The following STK31 variants were observed in gnomAD, a reference collection of about 807,000 sequenced individuals.
The protein encoded by STK31 is serine/threonine kinase 31, also known as serine/threonine-protein kinase 31.
Under a neutral mutation model 129.7 loss-of-function variants are expected in STK31, and 89 were observed. The observed-to-expected ratio is 0.69, with a 90% CI of 0.58 to 0.82. The LOEUF (loss-of-function observed/expected upper bound fraction) is 0.82. STK31 is among the 40% of genes least tolerant of loss of function. The pLI is 0.00. For missense variants in STK31, 1,187 were observed against 1,176.4 expected (o/e 1.01, Z -0.13); for synonymous variants, 448 against 395.3 (o/e 1.13, Z -1.58).
intron 22 of STK31, among the ~76,000 whole-genome samples, chr7:23,797,202 TCAA>T (rs34252612): frequency 0.11 from 16,890 of 152,090 alleles, 1,140 homozygotes; most frequent in Non-Finnish European, 0.15. Flanking sequence ...ATTAGACAGA[TCAA>T]CGAGACAGAA....
intron 1 of STK31, among the ~76,000 whole-genome samples, chr7:23,711,099 TGAGA>T (rs1222223701): frequency 6.6e-6 from 1 of 152,186 alleles, no homozygotes; most frequent in Non-Finnish European, 1.5e-5. Context: ...CTTTTCATAA[TGAGA>T]GAGCATTTGA....
intron 22 of STK31, among the ~76,000 whole-genome samples, chr7:23,814,714 AATTT>A (rs893745096): frequency 6.6e-4 from 101 of 152,112 alleles, no homozygotes; most frequent in African/African-American, 2.1e-3. Flanking sequence ...AAATTTAATT[AATTT>A]ATTTTTTGCA....
At chr7:23,727,032 T>C (rs1430449186) in intron 4 of STK31, among the ~76,000 whole-genome samples, 3 of 152,206 alleles carry the variant, frequency 2.0e-5, no homozygotes, top group Non-Finnish European at 4.4e-5. Context: ...AGTCAGAAGT[T>C]TGAATCTTGG....
intron 5 of STK31, chr7:23,727,604 C>A (rs1787167031): frequency 3.5e-6 from 1 of 285,606 alleles, no homozygotes; most frequent in African/African-American, 2.7e-5. Context: ...TCTGTGTCGC[C>A]CAGGCTGGAG....
intron 22 of STK31, among the ~76,000 whole-genome samples, chr7:23,796,998 A>T (rs1292377458): frequency 6.6e-6 from 1 of 152,204 alleles, no homozygotes; most frequent in Non-Finnish European, 1.5e-5. Flanking sequence ...TAACCAACAA[A>T]GATCAAGAAA....
chr7:23,830,592 T>TTTGTGTGTGTG (rs375886156), intron 23 of STK31, among the ~76,000 whole-genome samples: 1 of 142,140 alleles, frequency 7.0e-6, no homozygotes, highest in African/African-American at 2.7e-5. Flanking sequence ...AATTTCCATG[T>TTTGTGTGTGTG]TGTGTGTGTG....
rs1787666194 is a variant in STK31 at position 23,735,529 on chromosome 7, C to A, written c.484-9C>A. 1 of 1,565,064 alleles carries A rather than the reference C, an allele frequency of 6.4e-7. No individual in the cohort carries two copies. Among genetic ancestry groups the A allele is most frequent in the African/African-American group, 1.4e-5 (1 of 72,744 alleles). On this transcript the variant is annotated splice_polypyrimidine_tract_variant and intron_variant, in intron 6 of 23. Coordinates refer to ENST00000355870, the MANE Select transcript of STK31 (RefSeq NM_031414.5). Reference sequence around the variant, plus strand: ...TGGTGTAGCTGGTTTATGTTTTCTTCTTTCTTAGGGCACAACCTTTTTGGG... The same window carrying A: ...TGGTGTAGCTGGTTTATGTTTTCTTATTTCTTAGGGCACAACCTTTTTGGG...
At chr7:23,726,640 T>C (rs972508444) in intron 4 of STK31, among the ~76,000 whole-genome samples, 11 of 149,334 alleles carry the variant, frequency 7.4e-5, no homozygotes, top group Non-Finnish European at 1.2e-4. Context: ...GAAAAGAAAA[T>C]GATTGAAAGT....
intron 3 of STK31, among the ~76,000 whole-genome samples, chr7:23,716,797 C>CT (rs34047442): frequency 0.23 from 28,575 of 123,260 alleles, 4,017 homozygotes; most frequent in East Asian, 0.4. Flanking sequence ...TTTTTGAGCA[C>CT]TTTTTTTTTT....
chr7:23,811,809 A>C (rs1311862032), intron 22 of STK31: 1 of 152,290 alleles, frequency 6.6e-6, no homozygotes, highest in Non-Finnish European at 1.5e-5. Context: ...ATTACAATAT[A>C]CATATGTGGC....
At chr7:23,765,969 T>A (rs1324922036) in intron 11 of STK31, among the ~76,000 whole-genome samples, 1 of 152,232 alleles carries the variant, frequency 6.6e-6, no homozygotes, top group East Asian at 1.9e-4. Flanking sequence ...TCACGGGTTA[T>A]TATAGATATT....
intron 22 of STK31, chr7:23,791,358 G>GAATTTACT: frequency 2.1e-6 from 2 of 967,762 alleles, no homozygotes; most frequent in South Asian, 9.6e-5. Flanking sequence ...TATCCTAAGC[G>GAATTTACT]AATTTACTGT....
At position 23,783,669 on chromosome 7, in the gene STK31, C is replaced by G; in HGVS notation, c.2148+6C>G. The G allele has an allele frequency of 6.2e-7, 1 of 1,603,810 alleles. No individual in the cohort carries two copies. The highest frequency in any genetic ancestry group is 1.3e-5 in the African/African-American group (1 of 74,556). On this transcript the variant is annotated splice_donor_region_variant and intron_variant, in intron 17 of 23. Transcript: ENST00000355870. Reference sequence around the variant, plus strand: ...TAGGATTACTCAAATACATGGTAAACTTTGTTTCCCTTGCGAATTACTACT... The same window carrying G: ...TAGGATTACTCAAATACATGGTAAAGTTTGTTTCCCTTGCGAATTACTACT...
At chr7:23,828,389 G>A (rs1311065531) in intron 23 of STK31, among the ~76,000 whole-genome samples, 1 of 152,210 alleles carries the variant, frequency 6.6e-6, no homozygotes, top group Non-Finnish European at 1.5e-5. Flanking sequence ...AGGACCTTCC[G>A]AGCCATGTGC....
intron 1 of STK31, 48 bp from the exon 2 acceptor site, chr7:23,712,051 C>A (rs889408147): frequency 9.6e-6 from 14 of 1,461,396 alleles, no homozygotes; most frequent in African/African-American, 2.8e-5. Flanking sequence ...AGTCTTCATT[C>A]ATTATTAATG....
intron 1 of STK31, 146 bp downstream of exon 1, chr7:23,710,481 G>T (rs1584304452): frequency 6.6e-7 from 1 of 1,515,716 alleles, no homozygotes; most frequent in Non-Finnish European, 8.9e-7. Context: ...CCCCAGAGGG[G>T]TGCCAGATGC....
intron 23 of STK31, among the ~76,000 whole-genome samples, chr7:23,830,303 A>G (rs931093451): frequency 6.6e-6 from 1 of 151,752 alleles, no homozygotes; most frequent in Non-Finnish European, 1.5e-5. Context: ...TTCTGCTCCC[A>G]TCGTTATTCT....
chr7:23,714,298 GTC>G (rs1360444289), intron 3 of STK31, among the ~76,000 whole-genome samples: 1 of 152,194 alleles, frequency 6.6e-6, no homozygotes, highest in Non-Finnish European at 1.5e-5. Context: ...CATGCCCATT[GTC>G]TCTGTATTAG....
intron 23 of STK31, among the ~76,000 whole-genome samples, chr7:23,826,212 A>G (rs1228221740): frequency 1.3e-5 from 2 of 152,130 alleles, no homozygotes; most frequent in Non-Finnish European, 2.9e-5. Flanking sequence ...AAAGTCTCCC[A>G]TTATTATTGT....
Sources: allele counts gnomAD v4.1 joint callset (sites outside exome capture counted in the v4.1 genomes callset), GRCh38; gene constraint gnomAD v4.1.1; transcripts MANE v1.5; gene names NCBI Gene and HGNC (gene_info 2026-07-23, HGNC 2026-07-21).